SNX6: variants seen among roughly 807,000 people sequenced by gnomAD.
SNX6 encodes the protein sorting nexin 6.
A neutral mutation model predicts 63.0 loss-of-function variants in SNX6; 34 were observed. That is an observed-to-expected ratio of 0.54 (90% CI 0.41 to 0.72). The LOEUF (loss-of-function observed/expected upper bound fraction) is 0.72, where lower values mean the gene tolerates loss of function less well. Among genes scored for constraint, SNX6 ranks in the 30% least tolerant of loss-of-function variants. The pLI, the probability that SNX6 is intolerant of heterozygous loss-of-function variation, is 0.00. For synonymous variants in SNX6, 170 were observed against 164.2 expected, an observed-to-expected ratio of 1.04 and a Z score of -0.27; for missense variants, 398 against 471.4, an observed-to-expected ratio of 0.84 and a Z score of 1.44.
intron 8 of SNX6, 23 bp downstream of exon 8, chr14:34,593,022 C>T: frequency 7.0e-7 from 1 of 1,438,758 alleles, no homozygotes; most frequent in Non-Finnish European, 9.7e-7. Flanking sequence ...AAGATATAAG[C>T]TTTAGCCACA....
chr14:34,588,504 G>A (rs910642866), intron 8 of SNX6, among the ~76,000 whole-genome samples: 1 of 152,072 alleles, frequency 6.6e-6, no homozygotes, highest in Admixed American at 6.6e-5. Flanking sequence ...ACCCACCTCA[G>A]CCTCCTAAAG....
chr14:34,623,181 G>C (rs530737464), intron 2 of SNX6, among the ~76,000 whole-genome samples: 5 of 152,128 alleles, frequency 3.3e-5, no homozygotes, highest in African/African-American at 1.2e-4. Context: ...AATGTGGCAT[G>C]TGTTTAAGCT....
chr14:34,581,345 G>C (rs145104083), intron 10 of SNX6, among the ~76,000 whole-genome samples: 3,185 of 152,230 alleles, frequency 0.021, 106 homozygotes, highest in African/African-American at 0.068. Context: ...GTAGAGACAG[G>C]GTTTCACTAT....
chr14:34,567,622 T>C (rs1881245125), intron 13 of SNX6, 64 bp downstream of exon 13: 1 of 1,256,812 alleles, frequency 8.0e-7, no homozygotes, highest in Non-Finnish European at 1.1e-6. Context: ...ATTATCAATG[T>C]CATAACTGAT....
Position 34,593,057 on chromosome 14 carries a change from T to C in SNX6, c.706A>G (p.Arg236Gly), listed in dbSNP as rs1594721564. The C allele has an allele frequency of 6.3e-7, 1 of 1,595,968 alleles. No individual in the cohort carries two copies. Among genetic ancestry groups the C allele is most frequent in the Non-Finnish European group, 8.5e-7 (1 of 1,172,202 alleles). ...DASAKSDRMTRSHKSAADDYN... is the reference protein window; with the variant it reads ...DASAKSDRMTGSHKSAADDYN... The stretch of plus-strand genomic sequence containing the variant: ...AGAAAAATCTTACTTTTGTGGGATC[T>C]TGTCATTCTATCAGATTTAGCAGAT... Residue 236 changes from arginine to glycine, a missense_variant, in exon 8 of 14, where the codon AGA (arginine) becomes GGA (glycine). Physicochemically the swap from Arg to Gly is moderately radical, Grantham distance 125 (BLOSUM62 -2). Transcript: ENST00000362031.
At chr14:34,579,096 A>G (rs922863221) in intron 10 of SNX6, among the ~76,000 whole-genome samples, 4 of 152,042 alleles carry the variant, frequency 2.6e-5, no homozygotes, top group Admixed American at 1.3e-4. Flanking sequence ...AATTGGTACA[A>G]TCATTATGGG....
intron 11 of SNX6, among the ~76,000 whole-genome samples, chr14:34,570,500 C>A (rs529312179): frequency 8.8e-4 from 133 of 151,706 alleles, no homozygotes; most frequent in Non-Finnish European, 1.6e-3. Flanking sequence ...CGGCTCAGGG[C>A]AACCTCTGCT....
chr14:34,617,317 G>C (rs779928724), intron 2 of SNX6, among the ~76,000 whole-genome samples: 1 of 152,126 alleles, frequency 6.6e-6, no homozygotes, highest in Non-Finnish European at 1.5e-5. Context: ...TAAAGACTCT[G>C]ACCTGTGACC....
intron 10 of SNX6, among the ~76,000 whole-genome samples, 191 bp from the exon 11 acceptor site, chr14:34,576,033 C>G (rs776162949): frequency 4.0e-5 from 6 of 151,532 alleles, no homozygotes; most frequent in Non-Finnish European, 7.4e-5. Context: ...ACGCCATTCT[C>G]CTGCCTCAGC....
chr14:34,570,098 C>G (rs529682605), intron 11 of SNX6, among the ~76,000 whole-genome samples: 14 of 149,006 alleles, frequency 9.4e-5, no homozygotes, highest in Non-Finnish European at 2.1e-4. Flanking sequence ...GATGGAGTTT[C>G]GCTGTTTTTG....
intron 10 of SNX6, among the ~76,000 whole-genome samples, chr14:34,577,007 G>A (rs1000053685): frequency 1.3e-5 from 2 of 151,844 alleles, no homozygotes; most frequent in Non-Finnish European, 2.9e-5. Flanking sequence ...CCAAGATTGA[G>A]CCACTACATT....
chr14:34,572,683 T>G (rs1439121472), intron 11 of SNX6, among the ~76,000 whole-genome samples: 2 of 151,962 alleles, frequency 1.3e-5, no homozygotes, highest in African/African-American at 4.8e-5. Flanking sequence ...TTTTTTTGTT[T>G]TTTTTTGTTT....
chr14:34,570,365 C>T (rs1237241533), intron 11 of SNX6, among the ~76,000 whole-genome samples: 3 of 145,550 alleles, frequency 2.1e-5, no homozygotes, highest in East Asian at 2.0e-4. Context: ...TGTGCCTGGT[C>T]TTACCAGCTT....
At chr14:34,574,790 T>A (rs1298356444) in intron 11 of SNX6, among the ~76,000 whole-genome samples, 1 of 151,938 alleles carries the variant, frequency 6.6e-6, no homozygotes, top group Non-Finnish European at 1.5e-5. Context: ...ACTCCCAAAC[T>A]CAGGTGATCC....
At position 34,601,562 on chromosome 14, in the gene SNX6, A is replaced by G. The variant is rs557261211; in HGVS notation, c.516+1786T>C. 1.5e-4 allele frequency among the ~76,000 whole-genome samples: 23 copies of G among 151,802 alleles called. No homozygotes were observed. The East Asian group carries it at 4.1e-3, about 27-fold the overall frequency. ...GTTTGCAATTAAGGATTACAAAAAA[A>G]ATCAGTGTCCCTTGTAGTAACATGA... On this transcript the variant is annotated intron_variant, in intron 6 of 13. Coordinates refer to ENST00000362031, the MANE Select transcript of SNX6 (RefSeq NM_152233.4).
chr14:34,576,610 G>A (rs1355957543), intron 10 of SNX6, among the ~76,000 whole-genome samples: 1 of 151,426 alleles, frequency 6.6e-6, no homozygotes, highest in Non-Finnish European at 1.5e-5. Context: ...TGCCACGCCT[G>A]GCTAACTTTT....
chr14:34,628,551 CCCA>C (rs1265575112), intron 2 of SNX6, among the ~76,000 whole-genome samples: 2 of 152,122 alleles, frequency 1.3e-5, no homozygotes, highest in Non-Finnish European at 2.9e-5. Context: ...ATCACTTAAG[CCCA>C]GGAGGTCAAG....
rs201106802 is a variant in SNX6, at chr14:34,569,420, T to TG, written c.922-1408dup. ...ACTACAGATTTGCCTATTCTGGACA[T>TG]GTTTTTTTTTTTTGTTTTTTGTTTT... On this transcript the variant is annotated intron_variant, in intron 11 of 13. Transcript: ENST00000362031. Among the ~76,000 whole-genome samples the TG allele has an allele frequency of 2.8e-3, 425 of 150,872 alleles. 1 individual carries two copies. Among genetic ancestry groups the TG allele is most frequent in the African/African-American group, 8.1e-3 (336 of 41,262 alleles).
At chr14:34,579,768 G>A (rs529846680) in intron 10 of SNX6, among the ~76,000 whole-genome samples, 1 of 150,458 alleles carries the variant, frequency 6.6e-6, no homozygotes, top group Non-Finnish European at 1.5e-5. Flanking sequence ...CAGAATGACT[G>A]CCTGAGGCCA....
Sources: gnomAD v4.1 joint callset for allele counts (sites outside exome capture counted in the v4.1 genomes callset) on GRCh38, gnomAD v4.1.1 for gene constraint, MANE v1.5 for transcripts, NCBI Gene and HGNC (gene_info 2026-07-23, HGNC 2026-07-21) for gene names.